Variants in EXOC6B observed in about 807,000 individuals in gnomAD.
The protein encoded by EXOC6B is exocyst complex component 6B.
EXOC6B carries 54 observed loss-of-function variants against 113.5 expected under a neutral mutation model. The ratio of observed to expected loss-of-function variants is 0.48; its 90% confidence interval spans 0.38 to 0.60. The LOEUF is 0.60. EXOC6B is among the 20% of genes least tolerant of loss of function. EXOC6B has a pLI of 0.00. For missense variants in EXOC6B, 797 were observed against 977.5 expected (o/e 0.82, Z 2.46); for synonymous variants, 357 against 339.0 (o/e 1.05, Z -0.58).
intron 8 of EXOC6B, among the ~76,000 whole-genome samples, chr2:72,534,752 T>C (rs1448392688): frequency 1.3e-5 from 2 of 152,196 alleles, no homozygotes; most frequent in Non-Finnish European, 2.9e-5. Context: ...ATAAGAAAAC[T>C]GAAAGCCAAA....
intron 8 of EXOC6B, among the ~76,000 whole-genome samples, chr2:72,529,866 T>C (rs1701910653): frequency 6.6e-6 from 1 of 152,206 alleles, no homozygotes; most frequent in Non-Finnish European, 1.5e-5. Flanking sequence ...TTTGTGTTTT[T>C]CAGAGAATTA....
intron 18 of EXOC6B, among the ~76,000 whole-genome samples, chr2:72,459,222 T>A (rs1469115947): frequency 6.6e-6 from 1 of 152,112 alleles, no homozygotes; most frequent in African/African-American, 2.4e-5. Context: ...ATAAGAGCTA[T>A]CTATGACAAA....
rs141923751 is a variant in EXOC6B at position 72,683,278 on chromosome 2, T to G, written c.669+34825A>C. 5.7e-3 allele frequency among the ~76,000 whole-genome samples: 860 copies of G among 152,184 alleles called. 5 individuals are homozygous for G. The highest frequency in any genetic ancestry group is 9.3e-3 in the Non-Finnish European group (630 of 67,992). ...CCCTGCCCGCTCAGAGCTTTACACA[T>G]AGCAGATGCTCAAAAAGTGACTTTT... On this transcript the variant is annotated intron_variant, in intron 6 of 21. Coordinates refer to ENST00000272427, the MANE Select transcript of EXOC6B (RefSeq NM_015189.3).
chr2:72,597,654 G>A (rs1192628666), intron 6 of EXOC6B, among the ~76,000 whole-genome samples: 1 of 151,720 alleles, frequency 6.6e-6, no homozygotes, highest in Non-Finnish European at 1.5e-5. Context: ...TGGAAAGAGT[G>A]GATAAAAAGA....
At chr2:72,581,957 C>T (rs999711521) in intron 6 of EXOC6B, among the ~76,000 whole-genome samples, 1 of 152,094 alleles carries the variant, frequency 6.6e-6, no homozygotes, top group African/African-American at 2.4e-5. Flanking sequence ...GAGCTTCTCC[C>T]AATAAACAAG....
intron 6 of EXOC6B, among the ~76,000 whole-genome samples, chr2:72,646,642 C>A (rs1379565489): frequency 6.6e-6 from 1 of 152,158 alleles, no homozygotes; most frequent in Non-Finnish European, 1.5e-5. Flanking sequence ...AAGGCTGGTT[C>A]AACATACGCA....
At chr2:72,197,076 C>A (rs1679219052) in intron 20 of EXOC6B, among the ~76,000 whole-genome samples, 1 of 152,052 alleles carries the variant, frequency 6.6e-6, no homozygotes, top group Non-Finnish European at 1.5e-5. Context: ...AGCAAAGGAG[C>A]AGAAATAGGA....
intron 20 of EXOC6B, among the ~76,000 whole-genome samples, chr2:72,298,232 C>A (rs1312899467): frequency 6.6e-6 from 1 of 152,042 alleles, no homozygotes; most frequent in East Asian, 1.9e-4. Flanking sequence ...GATCCTTTAC[C>A]ATTATGTAGT....
chr2:72,439,649 C>T (rs1463930711), intron 18 of EXOC6B, among the ~76,000 whole-genome samples: 1 of 152,170 alleles, frequency 6.6e-6, no homozygotes, highest in Non-Finnish European at 1.5e-5. Context: ...AGCTGCCTTG[C>T]ATTTGGTTTC....
chr2:72,351,462 T>C (rs1689651994), intron 19 of EXOC6B, among the ~76,000 whole-genome samples: 1 of 152,210 alleles, frequency 6.6e-6, no homozygotes, highest in South Asian at 2.1e-4. Flanking sequence ...AACGTCTTTA[T>C]CTTCCATTCA....
chr2:72,514,605 A>AT (rs1553432012), intron 10 of EXOC6B, 29 bp downstream of exon 10: 2,415 of 151,392 alleles, frequency 0.016, 80 homozygotes, highest in African/African-American at 0.081. Context: ...TAAATAAATA[A>AT]ATATATATAT....
intron 6 of EXOC6B, among the ~76,000 whole-genome samples, chr2:72,716,912 T>G (rs960935811): frequency 5.9e-5 from 9 of 152,202 alleles, no homozygotes; most frequent in African/African-American, 1.7e-4. Flanking sequence ...TCTCCTATAT[T>G]TTAAAAGCTT....
chr2:72,236,263 G>A (rs1263508096), intron 20 of EXOC6B, among the ~76,000 whole-genome samples: 1 of 152,166 alleles, frequency 6.6e-6, no homozygotes, highest in East Asian at 1.9e-4. Context: ...ATGGCAGCTG[G>A]AGAATAGGGC....
At chr2:72,813,947 C>A (rs1039484881) in intron 1 of EXOC6B, among the ~76,000 whole-genome samples, 1 of 151,714 alleles carries the variant, frequency 6.6e-6, no homozygotes, top group Non-Finnish European at 1.5e-5. Context: ...AACAAAGGCA[C>A]AATTTGCAAA....
intron 17 of EXOC6B, among the ~76,000 whole-genome samples, chr2:72,465,767 G>A (rs904478608): frequency 6.6e-6 from 1 of 152,162 alleles, no homozygotes; most frequent in African/African-American, 2.4e-5. Flanking sequence ...AAGTTATGAA[G>A]TACCTGCCAC....
Position 72,681,702 on chromosome 2 carries a change from C to T in EXOC6B, c.669+36401G>A, listed in dbSNP as rs111377850. Among the ~76,000 whole-genome samples the T allele has an allele frequency of 2.5e-4, 38 of 151,404 alleles. 2 individuals carry two copies. The highest frequency in any genetic ancestry group is 8.2e-4 in the African/African-American group (34 of 41,226). On this transcript the variant is annotated intron_variant, in intron 6 of 21. Transcript: ENST00000272427. ...AAGTATATAAAATATTAGCTGTGTA[C>T]GTTTTAATCTTTAAAAAAAAAAACT...
chr2:72,193,006 A>T (rs1678943788), intron 20 of EXOC6B, among the ~76,000 whole-genome samples: 1 of 152,194 alleles, frequency 6.6e-6, no homozygotes, highest in Non-Finnish European at 1.5e-5. Flanking sequence ...TTTCACTAAC[A>T]TACAGAACAC....
intron 20 of EXOC6B, among the ~76,000 whole-genome samples, chr2:72,216,177 T>C (rs1680519084): frequency 6.6e-6 from 1 of 151,146 alleles, no homozygotes; most frequent in African/African-American, 2.4e-5. Context: ...ACTTCTGGGG[T>C]AGAGACACTG....
intron 17 of EXOC6B, among the ~76,000 whole-genome samples, chr2:72,471,468 T>A (rs111970829): frequency 1.3e-5 from 2 of 152,016 alleles, no homozygotes; most frequent in African/African-American, 4.8e-5. Context: ...TTTAGTTTAA[T>A]GAGATCCCAT....
Sources: gnomAD v4.1 joint callset for allele counts (sites outside exome capture counted in the v4.1 genomes callset) on GRCh38, gnomAD v4.1.1 for gene constraint, MANE v1.5 for transcripts, NCBI Gene and HGNC (gene_info 2026-07-23, HGNC 2026-07-21) for gene names.